The following MERTK variants were observed in gnomAD, a reference collection of about 807,000 sequenced individuals.
The protein encoded by MERTK is MER proto-oncogene, tyrosine kinase.
Under a neutral mutation model 99.3 loss-of-function variants are expected in MERTK, and 69 were observed. The ratio of observed to expected loss-of-function variants is 0.70; its 90% CI spans 0.57 to 0.85. The LOEUF (loss-of-function observed/expected upper bound fraction) is 0.85. MERTK is among the 40% of genes least tolerant of loss of function. MERTK has a pLI of 0.00. For synonymous variants in MERTK, 426 were observed against 467.6 expected, an observed-to-expected ratio of 0.91 and a Z score of 1.15; for missense variants, 1,125 against 1,249.4, an observed-to-expected ratio of 0.90 and a Z score of 1.50.
At chr2:111,962,770 A>C (rs1053978065) in intron 4 of MERTK, among the ~76,000 whole-genome samples, 1 of 152,240 alleles carries the variant, frequency 6.6e-6, no homozygotes, top group Admixed American at 6.5e-5. Context: ...GCATTTAGTC[A>C]TCTATGTCTT....
Position 111,945,433 on chromosome 2 carries a change from G to A in MERTK, c.583+373G>A, listed in dbSNP as rs568122531. Among the ~76,000 whole-genome samples the A allele has an allele frequency of 6.3e-4, 96 of 152,340 alleles. 1 individual carries two copies. The highest frequency in any genetic ancestry group is 2.3e-3 in the African/African-American group (95 of 41,576). On this transcript the variant is annotated intron_variant, in intron 3 of 18. Coordinates refer to ENST00000295408, the MANE Select transcript of MERTK (RefSeq NM_006343.3). ...TACCAGATACCACTCACCTGGTCAA[G>A]TGGCTGTTGGCTTATTATTCAGCAT...
chr2:112,013,840 G>A (rs1292452035), intron 15 of MERTK, among the ~76,000 whole-genome samples: 1 of 150,258 alleles, frequency 6.7e-6, no homozygotes, highest in African/African-American at 2.5e-5. Context: ...TTTATGGTAC[G>A]TTGTATAATT....
intron 7 of MERTK, among the ~76,000 whole-genome samples, chr2:111,976,140 G>A (rs68087924): frequency 0.62 from 94,060 of 151,994 alleles, 29,472 homozygotes; most frequent in Middle Eastern, 0.69. Context: ...GAAGAGATGC[G>A]GAGGATGAGA....
chr2:111,966,769 G>T (rs1194518915), intron 5 of MERTK, among the ~76,000 whole-genome samples: 1 of 152,194 alleles, frequency 6.6e-6, no homozygotes, highest in Non-Finnish European at 1.5e-5. Flanking sequence ...ATCTGTGGAG[G>T]AAAGTGAGTC....
At chr2:111,929,627 C>A in intron 2 of MERTK, 87 bp downstream of exon 2, 7 of 1,070,470 alleles carry the variant, frequency 6.5e-6, no homozygotes, top group Non-Finnish European at 8.8e-6. Flanking sequence ...CATTCTGTAG[C>A]CCAGGCTGGA....
chr2:111,937,479 G>A (rs79433506), intron 2 of MERTK, among the ~76,000 whole-genome samples: 36,350 of 151,824 alleles, frequency 0.24, 4,677 homozygotes, highest in South Asian at 0.32. Context: ...GGTAGTTTGC[G>A]TCTCCTGACA....
intron 15 of MERTK, among the ~76,000 whole-genome samples, chr2:112,013,018 C>T (rs996885681): frequency 6.6e-6 from 1 of 152,062 alleles, no homozygotes; most frequent in Non-Finnish European, 1.5e-5. Flanking sequence ...GGGGAGGGTA[C>T]TTTTGCTTTG....
intron 1 of MERTK, 24 bp downstream of exon 1, chr2:111,898,820 A>T (rs1349795209): frequency 6.4e-7 from 1 of 1,573,220 alleles, no homozygotes. Flanking sequence ...GCTGGGGGCC[A>T]GGCGAGGGGG....
intron 14 of MERTK, among the ~76,000 whole-genome samples, chr2:112,009,235 T>G (rs1320288340): frequency 6.6e-6 from 1 of 152,236 alleles, no homozygotes; most frequent in African/African-American, 2.4e-5. Flanking sequence ...TACAGTATTA[T>G]GTCAAATAAG....
At chr2:111,993,499 T>C (rs920197706) in intron 8 of MERTK, among the ~76,000 whole-genome samples, 1 of 152,178 alleles carries the variant, frequency 6.6e-6, no homozygotes, top group African/African-American at 2.4e-5. Flanking sequence ...AAAGACATGT[T>C]CCTAGAACTT....
intron 4 of MERTK, among the ~76,000 whole-genome samples, chr2:111,962,307 G>A (rs7597265): frequency 1 from 151,864 of 152,282 alleles, 75,727 homozygotes; most frequent in Middle Eastern, 1. Flanking sequence ...CGGGAGTTCA[G>A]GACCAGCCTG....
In MERTK at chr2:111,994,403, C is replaced by T. The variant is rs540628681; in HGVS notation, c.1449C>T (p.His483=). 1.1e-5 allele frequency: 17 copies of T among 1,614,044 alleles called. No homozygotes were observed. In the East Asian group the frequency reaches 1.8e-4, roughly 17 times the overall value. The change falls in exon 9 of 19, where the codon CAC becomes CAT. Residue 483 remains histidine, a splice_region_variant and synonymous_variant. Transcript: ENST00000295408. ...SDPVKIFIPA[H]GWVDYAPSST... Reference sequence around the variant, plus strand: ...CAGTGAAAATATTTATCCCTGCACACGGTGAGAGCTATACCCAGTAAGGGC... The same window carrying T: ...CAGTGAAAATATTTATCCCTGCACATGGTGAGAGCTATACCCAGTAAGGGC...
Position 111,898,644 on chromosome 2 carries a change from C to A in MERTK, c.-92C>A. ...CTGCCCGGGCCGCCCGGACAGGGAG[C>A]TTCGCTGGCGCGCTTGGCCGGCGAC... is the stretch of plus-strand genomic sequence containing the variant. On this transcript the variant is annotated 5_prime_UTR_variant, in exon 1 of 19. Coordinates refer to ENST00000295408, the MANE Select transcript of MERTK (RefSeq NM_006343.3). The A allele has an allele frequency of 6.8e-7, 1 of 1,479,194 alleles. No homozygotes were observed. The highest frequency in any genetic ancestry group is 9.2e-7 in the Non-Finnish European group (1 of 1,082,410). The allele number at this position is 1,479,194 out of a possible 1,614,324, so 91.6% of individuals were successfully genotyped here. A position where few individuals can be genotyped will look rare whatever the true frequency, so the allele number is the denominator to read the frequency against.
intron 4 of MERTK, among the ~76,000 whole-genome samples, chr2:111,955,625 C>T (rs1685133851): frequency 6.6e-6 from 1 of 152,080 alleles, no homozygotes; most frequent in African/African-American, 2.4e-5. Context: ...TAATATTGTA[C>T]CAAAGTCACT....
chr2:111,943,832 G>A (rs1684907192), intron 2 of MERTK, among the ~76,000 whole-genome samples: 1 of 152,000 alleles, frequency 6.6e-6, no homozygotes, highest in South Asian at 2.1e-4. Flanking sequence ...TGGAATTAGG[G>A]TCTAGTCTCA....
In MERTK at chr2:112,028,805, T is replaced by C. The variant is rs1244670067; in HGVS notation, c.2941T>C (p.Leu981=). The C allele has an allele frequency of 5.0e-6, 8 of 1,613,968 alleles. No individual in the cohort carries two copies. Among genetic ancestry groups the C allele is most frequent in the Admixed American group, 3.3e-5 (2 of 59,990 alleles). ...HSSMLPLGSS[L]PDELLFADDS... ...GAGCATGCTGCCCTTGGGAAGCTCATTGCCCGATGAACTTTTGTTTGCTGA... is the reference window on the plus strand; with the variant it reads ...GAGCATGCTGCCCTTGGGAAGCTCACTGCCCGATGAACTTTTGTTTGCTGA... The change falls in exon 19 of 19, where the codon TTG becomes CTG. Residue 981 remains leucine (L), a synonymous_variant. Transcript: ENST00000295408.
At position 112,003,921 on chromosome 2, in the gene MERTK, A is replaced by C; in HGVS notation, c.1804A>C (p.Met602Leu). Residue 602 changes from methionine to leucine, a missense_variant, in exon 13 of 19, where the codon ATG becomes CTG. Transcript: ENST00000295408. ...CTTCACAGGAGAGTTTGGGTCTGTA[A>C]TGGAAGGAAATCTTAAGCAGGAAGA... is the stretch of plus-strand genomic sequence containing the variant. The part of the protein sequence containing the change: ...ILGEGEFGSV[M>L]EGNLKQEDGT... 1 of 1,613,672 alleles carries C rather than the reference A, an allele frequency of 6.2e-7. No homozygotes were observed. Among genetic ancestry groups the C allele is most frequent in the Non-Finnish European group, 8.5e-7 (1 of 1,179,602 alleles).
intron 15 of MERTK, chr2:112,013,533 A>G (rs932382366): frequency 1.7e-4 from 26 of 154,354 alleles, no homozygotes; most frequent in African/African-American, 6.3e-4. Flanking sequence ...TTTCTCAAGC[A>G]TGTAGCATAG....
At chr2:111,996,679 A>G (rs1676750569) in intron 9 of MERTK, 1 of 166,458 alleles carries the variant, frequency 6.0e-6, no homozygotes. Flanking sequence ...GTTGTGACAA[A>G]AAGGTTGAAA....
Sources: allele counts gnomAD v4.1 joint callset (sites outside exome capture counted in the v4.1 genomes callset), GRCh38; gene constraint gnomAD v4.1.1; transcripts MANE v1.5; gene names NCBI Gene and HGNC (gene_info 2026-07-23, HGNC 2026-07-21).